CTNNA1: variants seen among roughly 807,000 people sequenced by gnomAD.
CTNNA1 encodes catenin alpha 1.
A neutral mutation model predicts 98.4 loss-of-function variants in CTNNA1; 37 were observed. That is an observed-to-expected ratio of 0.38 (90% CI 0.29 to 0.49). CTNNA1 has a LOEUF of 0.49. Ranked by LOEUF, CTNNA1 falls within the 20% of genes least tolerant of loss-of-function variation. The pLI is 0.95. For missense variants in CTNNA1, 761 were observed against 1,147.2 expected, an observed-to-expected ratio of 0.66 and a Z score of 4.86; for synonymous variants, 404 against 413.2, an observed-to-expected ratio of 0.98 and a Z score of 0.27.
chr5:138,837,428 CCTT>C (rs1474665765), intron 7 of CTNNA1, among the ~76,000 whole-genome samples: 4 of 151,492 alleles, frequency 2.6e-5, no homozygotes, highest in Non-Finnish European at 4.4e-5. Flanking sequence ...TCCTCCTCCT[CCTT>C]CTTTTCTTCT....
At chr5:138,764,868 CTTTTTTTTT>C (rs35354499) in intron 1 of CTNNA1, among the ~76,000 whole-genome samples, 5 of 84,926 alleles carry the variant, frequency 5.9e-5, no homozygotes, top group African/African-American at 9.4e-5. Context: ...GTATCTCTCT[CTTTTTTTTT>C]TTTTTTTTTT....
chr5:138,785,228 A>G (rs2149662392), intron 3 of CTNNA1, among the ~76,000 whole-genome samples: 1 of 150,934 alleles, frequency 6.6e-6, no homozygotes, highest in Admixed American at 6.6e-5. Context: ...CGCCCGGCTA[A>G]TTTTTTGTAT....
chr5:138,782,133 T>C (rs1755180162), intron 2 of CTNNA1, 104 bp downstream of exon 2: 1 of 1,095,596 alleles, frequency 9.1e-7, no homozygotes, highest in Non-Finnish European at 1.3e-6. Flanking sequence ...TTAATTCCAG[T>C]ACTTGAGTTT....
Position 138,887,485 on chromosome 5 carries a change from A to G in CTNNA1, c.1144-5A>G, listed in dbSNP as rs201803579. The G allele has an allele frequency of 6.1e-5, 97 of 1,584,632 alleles. No homozygotes were observed. The highest frequency in any genetic ancestry group is 7.9e-5 in the Non-Finnish European group (92 of 1,168,642). On this transcript the variant is annotated splice_region_variant and splice_polypyrimidine_tract_variant and intron_variant, in intron 8 of 17. Coordinates refer to ENST00000302763, the MANE Select transcript of CTNNA1 (RefSeq NM_001903.5). ...AAAATCAAATTTTTACAATTTAATC[A>G]TTAGCTCCGCAAAGCTGTCATGGAC...
rs544469465 is a variant in CTNNA1 at position 138,807,041 on chromosome 5, C to T, written c.302-2997C>T. On this transcript the variant is annotated intron_variant, in intron 3 of 17. Coordinates refer to ENST00000302763, the MANE Select transcript of CTNNA1 (RefSeq NM_001903.5). ...TTTTTTTTTTTTTGAGACAGACTCT[C>T]GCTTTGTTGCCCAGGCTGGAGTGCA... is the stretch of plus-strand genomic sequence containing the variant. Among the ~76,000 whole-genome samples the T allele has an allele frequency of 4.5e-3, 637 of 143,126 alleles. 3 individuals are homozygous for T. Among genetic ancestry groups the T allele is most frequent in the Non-Finnish European group, 7.1e-3 (473 of 66,382 alleles). 93.9% of individuals were successfully genotyped at this position (143,126 alleles called of 152,430 possible). A position where few individuals can be genotyped will look rare whatever the true frequency, so the allele number is the denominator to read the frequency against.
At chr5:138,863,700 C>T (rs528447771) in intron 7 of CTNNA1, among the ~76,000 whole-genome samples, 34 of 152,346 alleles carry the variant, frequency 2.2e-4, no homozygotes, top group African/African-American at 7.2e-4. Flanking sequence ...CCTGAGACAG[C>T]AGAATTTGCA....
At chr5:138,902,091 A>C (rs1758165198) in intron 9 of CTNNA1, among the ~76,000 whole-genome samples, 2 of 152,316 alleles carry the variant, frequency 1.3e-5, no homozygotes, top group South Asian at 4.1e-4. Flanking sequence ...GTAATGTTTT[A>C]AAATAAAGAA....
intron 7 of CTNNA1, among the ~76,000 whole-genome samples, chr5:138,852,388 G>A (rs1172792769): frequency 1.6e-5 from 2 of 127,168 alleles, no homozygotes; most frequent in Non-Finnish European, 3.1e-5. Flanking sequence ...CTAGGATAGT[G>A]ATTCCAGCTT....
intron 3 of CTNNA1, among the ~76,000 whole-genome samples, chr5:138,793,631 C>G (rs1446914632): frequency 6.6e-6 from 1 of 152,184 alleles, no homozygotes; most frequent in African/African-American, 2.4e-5. Context: ...TTTGGCATGA[C>G]TTCAACCATG....
intron 5 of CTNNA1, among the ~76,000 whole-genome samples, chr5:138,822,630 A>G (rs1401119288): frequency 1.3e-5 from 2 of 152,218 alleles, no homozygotes; most frequent in Admixed American, 1.3e-4. Context: ...ATGTTTAGTC[A>G]TAGCCCCTTG....
chr5:138,807,824 T>A (rs1459532880), intron 3 of CTNNA1, among the ~76,000 whole-genome samples: 1 of 152,158 alleles, frequency 6.6e-6, no homozygotes, highest in Non-Finnish European at 1.5e-5. Flanking sequence ...CTCGGTTCAC[T>A]GCAACCTCCG....
chr5:138,801,234 A>G (rs573445714), intron 3 of CTNNA1, among the ~76,000 whole-genome samples: 1 of 152,280 alleles, frequency 6.6e-6, no homozygotes, highest in Admixed American at 6.5e-5. Flanking sequence ...GTTTGATTAT[A>G]TTTCCCTTGA....
chr5:138,821,408 T>C (rs1279230521), intron 5 of CTNNA1, among the ~76,000 whole-genome samples: 3 of 152,264 alleles, frequency 2.0e-5, no homozygotes, highest in Non-Finnish European at 4.4e-5. Context: ...ATTTATTACC[T>C]AGTCTATGAA....
At position 138,837,099 on chromosome 5, in the gene CTNNA1, T is replaced by TTACCTCGAAACTAG. The variant is rs1761850963; in HGVS notation, c.1062+9382_1062+9383insACCTCGAAACTAGT. Reference sequence around the variant, plus strand: ...TTCGTCCTTTCGAGGTAATGATTCATTCAGGACTAGTTTGGCTAAAGTGGT... The same window carrying TTACCTCGAAACTAG: ...TTCGTCCTTTCGAGGTAATGATTCATTACCTCGAAACTAGTCAGGACTAGTTTGGCTAAAGTGGT... On this transcript the variant is annotated intron_variant, in intron 7 of 17. Transcript: ENST00000302763. Among the ~76,000 whole-genome samples the TTACCTCGAAACTAG allele has an allele frequency of 2.0e-5, 3 of 152,232 alleles. No homozygotes were observed. The South Asian group carries it at 6.2e-4, about 32-fold the overall frequency.
chr5:138,780,356 A>AT (rs1398014957), intron 1 of CTNNA1, among the ~76,000 whole-genome samples: 194 of 141,482 alleles, frequency 1.4e-3, no homozygotes, highest in African/African-American at 4.2e-3. Context: ...CGCCTGGCTA[A>AT]TTTTTTTTTT....
At chr5:138,933,225 G>A (rs1393435361) in intron 17 of CTNNA1, among the ~76,000 whole-genome samples, 1 of 152,072 alleles carries the variant, frequency 6.6e-6, no homozygotes, top group African/African-American at 2.4e-5. Flanking sequence ...TTTCTCAAAA[G>A]CCCTTCACTC....
intron 3 of CTNNA1, among the ~76,000 whole-genome samples, chr5:138,803,353 A>G (rs1044525599): frequency 6.6e-6 from 1 of 152,004 alleles, no homozygotes; most frequent in Non-Finnish European, 1.5e-5. Flanking sequence ...ATGAGGTCTC[A>G]CAATGTTACG....
chr5:138,841,174 A>T (rs1762231921), intron 7 of CTNNA1, among the ~76,000 whole-genome samples: 1 of 152,214 alleles, frequency 6.6e-6, no homozygotes, highest in Non-Finnish European at 1.5e-5. Context: ...CTTTGTTCAT[A>T]TCTGATGACT....
At chr5:138,799,504 A>G (rs567720453) in intron 3 of CTNNA1, among the ~76,000 whole-genome samples, 10 of 152,220 alleles carry the variant, frequency 6.6e-5, no homozygotes, top group African/African-American at 1.9e-4. Flanking sequence ...TGAGAGATGG[A>G]GGAAAAAAAA....
Sources: allele counts gnomAD v4.1 joint callset (sites outside exome capture counted in the v4.1 genomes callset), GRCh38; gene constraint gnomAD v4.1.1; transcripts MANE v1.5; gene names NCBI Gene and HGNC (gene_info 2026-07-23, HGNC 2026-07-21).